ASB7: variants seen among roughly 807,000 people sequenced by gnomAD.
The protein encoded by ASB7 is ankyrin repeat and SOCS box protein 7.
ASB7 carries 4 observed loss-of-function variants against 32.5 expected under a neutral mutation model. The observed-to-expected ratio is 0.12, with a 90% CI of 0.06 to 0.28. The LOEUF (loss-of-function observed/expected upper bound fraction) is 0.28, where lower values mean the gene tolerates loss of function less well. ASB7 is among the 10% of genes least tolerant of loss of function. The pLI, the probability that ASB7 is intolerant of heterozygous loss-of-function variation, is 1.00. For missense variants in ASB7, 181 were observed against 407.1 expected (o/e 0.44, Z 4.78); for synonymous variants, 172 against 155.6 (o/e 1.11, Z -0.78).
intron 4 of ASB7, among the ~76,000 whole-genome samples, chr15:100,615,647 C>G (rs143017232): frequency 6.6e-6 from 1 of 152,214 alleles, no homozygotes; most frequent in Non-Finnish European, 1.5e-5. Context: ...GTCCTTTACT[C>G]TTCTTCTAGA....
Position 100,629,681 on chromosome 15 carries a change from A to G in ASB7, c.456A>G (p.Thr152=). ...EVDPLSDKGT[T]PLQLAIIRER... is the part of the protein sequence containing the mutation. The stretch of plus-strand genomic sequence containing the variant: ...ACCCACTCAGTGATAAAGGTACCAC[A>G]CCGCTTCAGCTCGCCATTATCCGAG... Residue 152 remains threonine (T), a synonymous_variant, in exon 5 of 6, where the codon ACA becomes ACG. Coordinates refer to ENST00000332783, the MANE Select transcript of ASB7 (RefSeq NM_198243.3). The surrounding 1 kb of genome is among the most constrained non-coding windows in gnomAD (Gnocchi z 6.8). 1.9e-6 allele frequency: 3 copies of G among 1,614,214 alleles called. No homozygotes were observed. Among genetic ancestry groups the G allele is most frequent in the Non-Finnish European group, 8.5e-7 (1 of 1,180,042 alleles).
chr15:100,606,354 C>G (rs186469986), intron 2 of ASB7, among the ~76,000 whole-genome samples: 21 of 152,262 alleles, frequency 1.4e-4, no homozygotes, highest in Admixed American at 5.9e-4. Flanking sequence ...AAGCACAGTT[C>G]AGTTTGCATC....
intron 4 of ASB7, among the ~76,000 whole-genome samples, chr15:100,624,461 A>C (rs75422783): frequency 6.6e-6 from 1 of 152,350 alleles, no homozygotes; most frequent in African/African-American, 2.4e-5. Context: ...AAATTTAAAA[A>C]GAGTGGAAGG....
At chr15:100,647,830 C>A (rs1225661000) in intron 5 of ASB7, among the ~76,000 whole-genome samples, 1 of 152,050 alleles carries the variant, frequency 6.6e-6, no homozygotes, top group African/African-American at 2.4e-5. Flanking sequence ...GTCCTAGACC[C>A]AGAGCTGAAA....
At chr15:100,638,487 T>C (rs188634220) in intron 5 of ASB7, 1 of 152,256 alleles carries the variant, frequency 6.6e-6, no homozygotes, top group East Asian at 1.9e-4. Flanking sequence ...TTCTCCCGGA[T>C]ACTCTGGAGT....
intron 2 of ASB7, among the ~76,000 whole-genome samples, chr15:100,604,549 C>T (rs2039622634): frequency 1.3e-5 from 2 of 152,136 alleles, no homozygotes; most frequent in Admixed American, 6.5e-5. Context: ...AGTATCTTTA[C>T]TGATTCTGTT....
intron 5 of ASB7, 134 bp downstream of exon 5, chr15:100,630,176 A>T: frequency 7.4e-7 from 1 of 1,358,968 alleles, no homozygotes; most frequent in Non-Finnish European, 9.5e-7. Flanking sequence ...GCGATGCCTC[A>T]TTCTTCTGAA....
rs1385938472 is a variant in ASB7, at chr15:100,651,543, C to T, written c.*3081C>T. 6.6e-6 allele frequency: 1 copy of T among 152,188 alleles called. No individual in the cohort carries two copies. The highest frequency in any genetic ancestry group is 6.5e-5 in the Admixed American group (1 of 15,278). 9.4% of individuals were successfully genotyped at this position (152,188 alleles called of 1,614,324 possible). On this transcript the variant is annotated 3_prime_UTR_variant, in exon 6 of 6. Transcript: ENST00000332783. ...ATTCTAACTTTCCTGCAGGAGTGCT[C>T]ATGAGCCCAGAATGTGATTGGGATA...
At chr15:100,640,396 T>C (rs2039953414) in intron 5 of ASB7, among the ~76,000 whole-genome samples, 1 of 152,138 alleles carries the variant, frequency 6.6e-6, no homozygotes, top group Admixed American at 6.5e-5. Flanking sequence ...CTGCCCGCCT[T>C]AGCCTCTCAA....
rs1307923508 is a variant in ASB7, at chr15:100,629,215, C to T, written c.212-222C>T. On this transcript the variant is annotated intron_variant, in intron 4 of 5. Coordinates refer to ENST00000332783, the MANE Select transcript of ASB7 (RefSeq NM_198243.3). This position sits in a 1 kb window ranked among gnomAD's most constrained non-coding sequence, Gnocchi z 6.8. ...GTGTATATCTTTTTAAACACTTTGTCTTTCTCCTTTCATTAACCCAGACGT... is the reference window on the plus strand; with the variant it reads ...GTGTATATCTTTTTAAACACTTTGTTTTTCTCCTTTCATTAACCCAGACGT... Among the ~76,000 whole-genome samples the T allele has an allele frequency of 6.6e-6, 1 of 152,180 alleles. No homozygotes were observed. The highest frequency in any genetic ancestry group is 2.4e-5 in the African/African-American group (1 of 41,444).
chr15:100,629,929 A>C lies in ASB7; in HGVS notation c.704A>C (p.Asn235Thr). 1 of 1,614,214 alleles carries C rather than the reference A, an allele frequency of 6.2e-7. No homozygotes were observed. The highest frequency in any genetic ancestry group is 8.5e-7 in the Non-Finnish European group (1 of 1,180,034). ...DDVLCARMLY[N>T]YGADTNTRNY... ...GTGCTGTGTGCACGGATGTTATATA[A>C]TTACGGAGCAGACACGAACACACGG... is the stretch of plus-strand genomic sequence containing the variant. The change falls in exon 5 of 6, where the codon AAT (asparagine) becomes ACT (threonine). Residue 235 changes from asparagine to threonine, a missense_variant. Asn to Thr is a moderately conservative substitution (Grantham distance 65). Transcript: ENST00000332783. The surrounding 1 kb of genome is among the most constrained non-coding windows in gnomAD (Gnocchi z 6.8).
At chr15:100,616,900 T>C (rs1268574254) in intron 4 of ASB7, among the ~76,000 whole-genome samples, 1 of 152,234 alleles carries the variant, frequency 6.6e-6, no homozygotes, top group Non-Finnish European at 1.5e-5. Flanking sequence ...ATGTGTTTAA[T>C]GTCTGCACTC....
chr15:100,624,954 G>T (rs1008656534), intron 4 of ASB7, among the ~76,000 whole-genome samples: 1 of 152,132 alleles, frequency 6.6e-6, no homozygotes, highest in East Asian at 1.9e-4. Context: ...TACAATATTT[G>T]TTTAACATCT....
chr15:100,613,316 TG>T (rs1162792492), intron 4 of ASB7, among the ~76,000 whole-genome samples: 1 of 152,242 alleles, frequency 6.6e-6, no homozygotes, highest in Non-Finnish European at 1.5e-5. Flanking sequence ...AGAAAAATGT[TG>T]GAAGTTCTAG....
rs1405724163 is a variant in ASB7 at position 100,648,560 on chromosome 15, T to G, written c.*98T>G. 1.9e-6 allele frequency: 2 copies of G among 1,055,872 alleles called. No homozygotes were observed. Among genetic ancestry groups the G allele is most frequent in the Admixed American group, 6.4e-5 (2 of 31,262 alleles). The allele number at this position is 1,055,872 out of a possible 1,614,324, so 65.4% of individuals were successfully genotyped here. On this transcript the variant is annotated 3_prime_UTR_variant, in exon 6 of 6. Coordinates refer to ENST00000332783, the MANE Select transcript of ASB7 (RefSeq NM_198243.3). Reference sequence around the variant, plus strand: ...ATATCCTATGCAATTTCTGATTTGCTGTGAAATCAGAAAGCAGGTATACAC... The same window carrying G: ...ATATCCTATGCAATTTCTGATTTGCGGTGAAATCAGAAAGCAGGTATACAC...
intron 2 of ASB7, among the ~76,000 whole-genome samples, chr15:100,609,243 T>C (rs895253869): frequency 6.6e-6 from 1 of 152,208 alleles, no homozygotes; most frequent in African/African-American, 2.4e-5. Context: ...AAAGACACAG[T>C]CTCCTTTTAG....
chr15:100,630,333 G>A (rs527244482), intron 5 of ASB7: 52 of 438,314 alleles, frequency 1.2e-4, no homozygotes, highest in Non-Finnish European at 1.7e-4. Flanking sequence ...AAAGATCTGT[G>A]TTAGAACAAG....
At chr15:100,612,488 A>T in intron 4 of ASB7, 61 bp downstream of exon 4, 1 of 1,437,952 alleles carries the variant, frequency 7.0e-7, no homozygotes, top group Non-Finnish European at 9.8e-7. Context: ...GTTTAGTTTA[A>T]AATGTGTCTA....
At chr15:100,637,420 C>G (rs950152903) in intron 5 of ASB7, among the ~76,000 whole-genome samples, 2 of 152,170 alleles carry the variant, frequency 1.3e-5, no homozygotes, top group African/African-American at 4.8e-5. Flanking sequence ...TTCGTAGTAT[C>G]TAGAGACTTC....
Sources: allele counts gnomAD v4.1 joint callset (sites outside exome capture counted in the v4.1 genomes callset), GRCh38; gene constraint gnomAD v4.1.1; non-coding constraint Gnocchi (gnomAD v3.1); transcripts MANE v1.5; gene names NCBI Gene and HGNC (gene_info 2026-07-23, HGNC 2026-07-21).